CDK13: variants seen among roughly 807,000 people sequenced by gnomAD.
The protein encoded by CDK13 is cyclin dependent kinase 13, also known as cyclin-dependent kinase 13.
Under a neutral mutation model 137.6 loss-of-function variants are expected in CDK13, and 40 were observed. The observed-to-expected ratio is 0.29, with a 90% CI of 0.23 to 0.38. CDK13 has a LOEUF of 0.38. Ranked by LOEUF, CDK13 falls within the 10% of genes least tolerant of loss-of-function variation. The pLI is 1.00. For synonymous variants in CDK13, 869 were observed against 760.1 expected (o/e 1.14, Z -2.36); for missense variants, 1,704 against 1,951.8 (o/e 0.87, Z 2.39).
rs916997267 is a variant in CDK13 at position 40,068,910 on chromosome 7, G to A, written c.2780+5810G>A. Among the ~76,000 whole-genome samples, 31 of 151,970 alleles carry A rather than the reference G, an allele frequency of 2.0e-4. 1 individual carries two copies. Among genetic ancestry groups the A allele is most frequent in the Non-Finnish European group, 4.4e-5 (3 of 67,992 alleles). Reference sequence around the variant, plus strand: ...TTTTCTAGTTTATATATTTCAGCATGTTTTTATTTTGTTAAGATACTTATA... The same window carrying A: ...TTTTCTAGTTTATATATTTCAGCATATTTTTATTTTGTTAAGATACTTATA... On this transcript the variant is annotated intron_variant, in intron 9 of 13. Transcript: ENST00000181839.
chr7:39,988,325 G>A, intron 2 of CDK13, 67 bp downstream of exon 2: 3 of 1,282,010 alleles, frequency 2.3e-6, no homozygotes, highest in Admixed American at 2.3e-5. Flanking sequence ...TGAGAAATGA[G>A]TTGACCTCCC....
At chr7:40,012,073 C>T (rs933927262) in intron 5 of CDK13, among the ~76,000 whole-genome samples, 9 of 152,126 alleles carry the variant, frequency 5.9e-5, no homozygotes, top group African/African-American at 2.2e-4. Flanking sequence ...ATCAAAACCA[C>T]AGTGAGTTAC....
In CDK13 at chr7:39,976,323, T is replaced by TCTCTCTCACACACACACACA; in HGVS notation, c.1212-11275_1212-11274insTCTCTCACACACACACACAC. ...CTCTCTCTCTCTCTCTCTCTCTCTCTCACACACACACACACACACACACAC... is the reference window on the plus strand; with the variant it reads ...CTCTCTCTCTCTCTCTCTCTCTCTCTCTCTCTCACACACACACACACACACACACACACACACACACACAC... On this transcript the variant is annotated intron_variant, in intron 1 of 13. Transcript: ENST00000181839. Among the ~76,000 whole-genome samples the TCTCTCTCACACACACACACA allele has an allele frequency of 6.4e-3, 254 of 39,536 alleles. 12 individuals carry two copies. Among genetic ancestry groups the TCTCTCTCACACACACACACA allele is most frequent in the Middle Eastern group, 0.033 (2 of 60 alleles). The allele number at this position is 39,536 out of a possible 152,430, so 25.9% of individuals were successfully genotyped here.
chr7:40,091,083 C>T (rs1022924287), intron 12 of CDK13, among the ~76,000 whole-genome samples: 20 of 151,738 alleles, frequency 1.3e-4, no homozygotes, highest in Admixed American at 4.6e-4. Flanking sequence ...TGGTGGCTCA[C>T]GCCTGTAATC....
chr7:40,086,689 A>G (rs980378066), intron 11 of CDK13, among the ~76,000 whole-genome samples: 8 of 152,018 alleles, frequency 5.3e-5, no homozygotes, highest in Admixed American at 6.6e-5. Context: ...AGGATTACCT[A>G]TTTTGAAAAC....
At chr7:39,957,710 C>G (rs182606272) in intron 1 of CDK13, among the ~76,000 whole-genome samples, 1 of 152,092 alleles carries the variant, frequency 6.6e-6, no homozygotes, top group African/African-American at 2.4e-5. Context: ...TTATATTTGC[C>G]CTCTGTTGTG....
rs758208742 is a variant in CDK13, at chr7:40,088,339, A to T, written c.3235+8A>T. 2 of 1,603,092 alleles carry T rather than the reference A, an allele frequency of 1.2e-6. No individual in the cohort carries two copies. The highest frequency in any genetic ancestry group is 1.7e-6 in the Non-Finnish European group (2 of 1,170,788). Reference sequence around the variant, plus strand: ...GCTCAAATGTGGCACCTGGTCAGTAATGCTTCCATGGGTTGGTTTTCTTCA... The same window carrying T: ...GCTCAAATGTGGCACCTGGTCAGTATTGCTTCCATGGGTTGGTTTTCTTCA... On this transcript the variant is annotated splice_region_variant and intron_variant, in intron 12 of 13. Coordinates refer to ENST00000181839, the MANE Select transcript of CDK13 (RefSeq NM_003718.5).
chr7:40,004,652 G>C (rs1472679347), intron 5 of CDK13, among the ~76,000 whole-genome samples: 1 of 152,162 alleles, frequency 6.6e-6, no homozygotes, highest in Admixed American at 6.5e-5. Flanking sequence ...AACTAAATTT[G>C]ATTGTCTAGT....
chr7:39,987,521 T>C, intron 1 of CDK13, 78 bp from the exon 2 acceptor site: 1 of 1,129,294 alleles, frequency 8.9e-7, no homozygotes, highest in African/African-American at 1.6e-5. Context: ...TTTCATAAAC[T>C]TGAATTAGCA....
Position 40,095,675 on chromosome 7 carries a change from C to T in CDK13, c.*695C>T, listed in dbSNP as rs1459295176. The stretch of plus-strand genomic sequence containing the variant: ...GTGGGGTGGGGAGGGAAAGTAAGTG[C>T]CTTAACAGGTAAGCTTAAGGTCTGA... On this transcript the variant is annotated 3_prime_UTR_variant, in exon 14 of 14. Transcript: ENST00000181839. The T allele has an allele frequency of 6.6e-6, 1 of 151,990 alleles. No individual in the cohort carries two copies. The highest frequency in any genetic ancestry group is 1.5e-5 in the Non-Finnish European group (1 of 68,016). 9.4% of individuals were successfully genotyped at this position (151,990 alleles called of 1,614,324 possible).
intron 1 of CDK13, 144 bp downstream of exon 1, chr7:39,951,996 T>C: frequency 4.4e-6 from 4 of 913,090 alleles, no homozygotes; most frequent in Non-Finnish European, 4.3e-6. Flanking sequence ...CCAGGAAGGA[T>C]AGGCGTTTTC....
intron 7 of CDK13, among the ~76,000 whole-genome samples, chr7:40,055,375 G>C (rs925485283): frequency 8.6e-5 from 13 of 151,654 alleles, no homozygotes; most frequent in Admixed American, 8.5e-4. Flanking sequence ...TTTGCTTTTT[G>C]TGCAAATACT....
intron 5 of CDK13, among the ~76,000 whole-genome samples, chr7:40,010,522 A>G (rs1784873107): frequency 6.6e-6 from 1 of 152,146 alleles, no homozygotes; most frequent in South Asian, 2.1e-4. Context: ...CGTCTCTACT[A>G]AAAATACAAA....
chr7:40,014,670 A>G (rs566928574), intron 5 of CDK13, among the ~76,000 whole-genome samples: 8 of 151,930 alleles, frequency 5.3e-5, no homozygotes, highest in Non-Finnish European at 1.2e-4. Flanking sequence ...TGCCGAGGCC[A>G]GTCTCGAACT....
chr7:40,014,948 C>A (rs1451630200), intron 5 of CDK13, among the ~76,000 whole-genome samples: 1 of 151,736 alleles, frequency 6.6e-6, no homozygotes, highest in African/African-American at 2.4e-5. Context: ...TGTTAGTGAT[C>A]AATAAATTTT....
In CDK13 at chr7:39,987,690, C is replaced by T. The variant is rs1333323434; in HGVS notation, c.1303C>T (p.His435Tyr). ...CAGATTGTCTAGATCCAGAAGTCGT[C>T]ATTCTAGTATTTCTCCTAGCACACT... ...RHRLSRSRSR[H>Y]SSISPSTLTL... Residue 435 changes from histidine to tyrosine, a missense_variant, in exon 2 of 14, where the codon CAT becomes TAT. Transcript: ENST00000181839. 1 of 1,613,898 alleles carries T rather than the reference C, an allele frequency of 6.2e-7. No individual in the cohort carries two copies. Among genetic ancestry groups the T allele is most frequent in the East Asian group, 2.2e-5 (1 of 44,888 alleles).
intron 5 of CDK13, among the ~76,000 whole-genome samples, chr7:40,017,712 A>G (rs1275578896): frequency 6.6e-6 from 1 of 151,800 alleles, no homozygotes; most frequent in African/African-American, 2.4e-5. Context: ...ATCTTTAAAT[A>G]TGGTCACATC....
chr7:40,090,793 G>A (rs1474928330), intron 12 of CDK13, among the ~76,000 whole-genome samples: 2 of 152,222 alleles, frequency 1.3e-5, no homozygotes, highest in Admixed American at 1.3e-4. Context: ...GATTGCTTGA[G>A]CCTAGGAGGT....
At chr7:40,075,499 A>C (rs549689358) in intron 9 of CDK13, among the ~76,000 whole-genome samples, 5 of 152,244 alleles carry the variant, frequency 3.3e-5, no homozygotes, top group Non-Finnish European at 7.3e-5. Context: ...TATTGAAATA[A>C]AATTTTAGTA....
Sources: allele counts gnomAD v4.1 joint callset (sites outside exome capture counted in the v4.1 genomes callset), GRCh38; gene constraint gnomAD v4.1.1; transcripts MANE v1.5; gene names NCBI Gene and HGNC (gene_info 2026-07-23, HGNC 2026-07-21).